Variants in NWD1 observed in about 807,000 individuals in gnomAD.
NWD1 encodes NACHT domain- and WD repeat-containing protein 1.
NWD1 carries 129 observed loss-of-function variants against 135.1 expected under a neutral mutation model. The observed-to-expected ratio is 0.96, with a 90% confidence interval of 0.83 to 1.11. The LOEUF (loss-of-function observed/expected upper bound fraction) is 1.11, where lower values mean the gene tolerates loss of function less well. NWD1 is among the 50% of genes least tolerant of loss of function. The pLI, the probability that NWD1 is intolerant of heterozygous loss-of-function variation, is 0.00. For missense variants in NWD1, 1,740 were observed against 1,851.3 expected (o/e 0.94, Z 1.10); for synonymous variants, 773 against 786.0 (o/e 0.98, Z 0.28).
chr19:16,798,971 T>A (rs1970509943), intron 16 of NWD1, among the ~76,000 whole-genome samples: 1 of 150,986 alleles, frequency 6.6e-6, no homozygotes, highest in South Asian at 2.1e-4. Context: ...GTTTTGAGCT[T>A]CCAGACCCTC....
rs759747477 is a variant in NWD1, at chr19:16,749,790, G to A, written c.1148G>A (p.Arg383His). The A allele has an allele frequency of 1.2e-6, 2 of 1,605,896 alleles. No individual in the cohort carries two copies. Among genetic ancestry groups the A allele is most frequent in the Non-Finnish European group, 1.7e-6 (2 of 1,175,550 alleles). Residue 383 changes from arginine (R) to histidine (H), a missense_variant, in exon 6 of 19, where the codon CGT becomes CAT. Arg to His is a conservative substitution (Grantham distance 29). Coordinates refer to ENST00000524140, the MANE Select transcript of NWD1 (RefSeq NM_001007525.5). ...LGTSQMSSDA[R>H]GLLKSICFQV... is the part of the protein sequence containing the mutation. ...ACGTCACAAATGAGCTCAGATGCCCGTGGCCTGCTGAAGAGCATCTGCTTC... is the reference window on the plus strand; with the variant it reads ...ACGTCACAAATGAGCTCAGATGCCCATGGCCTGCTGAAGAGCATCTGCTTC...
intron 18 of NWD1, among the ~76,000 whole-genome samples, chr19:16,811,460 T>A (rs988857750): frequency 6.6e-6 from 1 of 151,674 alleles, no homozygotes; most frequent in African/African-American, 2.4e-5. Context: ...GGTGCATGCC[T>A]GTAATCCCAG....
intron 8 of NWD1, 66 bp from the exon 9 acceptor site, chr19:16,763,762 G>A: frequency 1.0e-6 from 1 of 981,860 alleles, no homozygotes; most frequent in Non-Finnish European, 1.6e-6. Context: ...GTGAATGAAT[G>A]GGCTTGTGCG....
chr19:16,725,437 C>T (rs985230949), intron 2 of NWD1, among the ~76,000 whole-genome samples: 1 of 151,996 alleles, frequency 6.6e-6, no homozygotes, highest in Non-Finnish European at 1.5e-5. Flanking sequence ...ATGATCACAC[C>T]ACTGCACTCC....
chr19:16,728,061 A>G (rs1967400003), intron 2 of NWD1, among the ~76,000 whole-genome samples: 1 of 152,044 alleles, frequency 6.6e-6, no homozygotes, highest in Non-Finnish European at 1.5e-5. Flanking sequence ...ACTCTGTCTC[A>G]AGAAACAAAA....
rs374529462 is a variant in NWD1, at chr19:16,757,874, A to C, written c.1770-1351A>C. 2.3e-4 allele frequency among the ~76,000 whole-genome samples: 35 copies of C among 152,206 alleles called. No homozygotes were observed. The East Asian group carries it at 3.7e-3, about 16-fold the overall frequency. On this transcript the variant is annotated intron_variant, in intron 6 of 18. Transcript: ENST00000524140. ...GAACAGCAGCCTGGCCAACATAGTG[A>C]AACCCCATCTCTACTAAAAATACAA...
At chr19:16,762,525 G>A (rs1378412272) in intron 8 of NWD1, among the ~76,000 whole-genome samples, 1 of 151,746 alleles carries the variant, frequency 6.6e-6, no homozygotes, top group African/African-American at 2.4e-5. Context: ...TCGAACTCCT[G>A]CCTGGGCAAC....
rs776628961 is a variant in NWD1, at chr19:16,763,914, C to T, written c.2220C>T (p.Gly740=). Residue 740 remains glycine (G), a synonymous_variant, in exon 9 of 19, where the codon GGC becomes GGT. Coordinates refer to ENST00000524140, the MANE Select transcript of NWD1 (RefSeq NM_001007525.5). ...TGCCCTATCACCTGCTTCACTCGGG[C>T]CGCCTGGAGGAGCTGAAACAGGAGG... The part of the protein sequence containing the change: ...KELPYHLLHS[G]RLEELKQEVL... 3 of 1,613,344 alleles carry T rather than the reference C, an allele frequency of 1.9e-6. No individual in the cohort carries two copies. Among genetic ancestry groups the T allele is most frequent in the Non-Finnish European group, 2.5e-6 (3 of 1,179,334 alleles).
At position 16,761,565 on chromosome 19, in the gene NWD1, G is replaced by A. The variant is rs561731904; in HGVS notation, c.1974-414G>A. ...TTTAGTACAGACAGGGTTTCACCAC[G>A]TTGGCCAGGCTGGTCTTGAACTCCT... is the stretch of plus-strand genomic sequence containing the variant. On this transcript the variant is annotated intron_variant, in intron 7 of 18. Transcript: ENST00000524140. 3.8e-4 allele frequency among the ~76,000 whole-genome samples: 57 copies of A among 151,832 alleles called. 1 individual carries two copies. Among genetic ancestry groups the A allele is most frequent in the Admixed American group, 3.4e-3 (52 of 15,254 alleles).
At position 16,744,406 on chromosome 19, in the gene NWD1, C is replaced by T. The variant is rs905728400; in HGVS notation, c.199-15C>T. The T allele has an allele frequency of 1.3e-5, 20 of 1,534,928 alleles. No homozygotes were observed. In the Admixed American group the frequency reaches 3.7e-4, roughly 29 times the overall value. ...AAAAAAGTGAGATTTGAATCTGTGA[C>T]TTCCTCTCTGCCAGGCCCTCATCGG... On this transcript the variant is annotated splice_polypyrimidine_tract_variant and intron_variant, in intron 4 of 18. Coordinates refer to ENST00000524140, the MANE Select transcript of NWD1 (RefSeq NM_001007525.5).
At chr19:16,779,884 C>T (rs548672126) in intron 12 of NWD1, among the ~76,000 whole-genome samples, 1 of 152,266 alleles carries the variant, frequency 6.6e-6, no homozygotes, top group South Asian at 2.1e-4. Flanking sequence ...GATCCTCCCT[C>T]CTTAGCCTAC....
At chr19:16,814,861 C>T (rs1971020848) in intron 18 of NWD1, among the ~76,000 whole-genome samples, 167 bp from the exon 19 acceptor site, 1 of 152,182 alleles carries the variant, frequency 6.6e-6, no homozygotes, top group African/African-American at 2.4e-5. Context: ...TTATCATTCC[C>T]ATTGTGCAGA....
intron 11 of NWD1, 147 bp downstream of exon 11, chr19:16,773,470 T>C: frequency 1.6e-6 from 1 of 637,470 alleles, no homozygotes; most frequent in Non-Finnish European, 2.7e-6. Flanking sequence ...CCCTGCTGTC[T>C]CATGCTGAAT....
rs773357780 is a variant in NWD1 at position 16,759,285 on chromosome 19, G to T, written c.1830G>T (p.Gln610His). 8.1e-6 allele frequency: 13 copies of T among 1,614,178 alleles called. No individual in the cohort carries two copies. In the Admixed American group the frequency reaches 2.0e-4, roughly 25 times the overall value. ...TGTCCCTGGACGACGAGGTCCTGCA[G>T]GATGTGTACCGAGATTGGACCCCGC... ...DVLSLDDEVL[Q>H]DVYRDWTPPS... Residue 610 changes from glutamine to histidine, a missense_variant, in exon 7 of 19, where the codon CAG becomes CAT. Gln to His is a conservative substitution (Grantham distance 24). Transcript: ENST00000524140.
chr19:16,769,475 C>T (rs1366819353), intron 10 of NWD1, among the ~76,000 whole-genome samples: 1 of 148,668 alleles, frequency 6.7e-6, no homozygotes, highest in East Asian at 2.0e-4. Context: ...AAAAAAAGAG[C>T]CCAAATCTCA....
chr19:16,815,198 T>C lies in NWD1; in HGVS notation c.*159T>C, dbSNP rs2144545192. Reference sequence around the variant, plus strand: ...TCTTAAGAACTTCAAGAAGGCAATGTGGATGGTCAAATCCAGGCAGAGAGA... The same window carrying C: ...TCTTAAGAACTTCAAGAAGGCAATGCGGATGGTCAAATCCAGGCAGAGAGA... On this transcript the variant is annotated 3_prime_UTR_variant, in exon 19 of 19. Coordinates refer to ENST00000524140, the MANE Select transcript of NWD1 (RefSeq NM_001007525.5). 1 of 825,732 alleles carries C rather than the reference T, an allele frequency of 1.2e-6. No individual in the cohort carries two copies. The highest frequency in any genetic ancestry group is 2.4e-5 in the East Asian group (1 of 41,404). 51.2% of individuals were successfully genotyped at this position (825,732 alleles called of 1,614,324 possible).
intron 5 of NWD1, among the ~76,000 whole-genome samples, chr19:16,747,186 G>A (rs137985867): frequency 0.02 from 3,051 of 151,358 alleles, 95 homozygotes; most frequent in African/African-American, 0.066. Context: ...ACAGGCATGC[G>A]CCACCTCGCC....
At chr19:16,808,625 A>T (rs1227576586) in intron 18 of NWD1, among the ~76,000 whole-genome samples, 3 of 151,374 alleles carry the variant, frequency 2.0e-5, no homozygotes, top group Non-Finnish European at 4.4e-5. Context: ...TTTTTTTTTT[A>T]AAGAGACAGG....
chr19:16,741,665 G>C (rs1968090029), intron 4 of NWD1, among the ~76,000 whole-genome samples: 1 of 151,922 alleles, frequency 6.6e-6, no homozygotes, highest in African/African-American at 2.4e-5. Context: ...TACCATGCCT[G>C]GCTCTTTTCA....
Sources: gnomAD v4.1 joint callset for allele counts (sites outside exome capture counted in the v4.1 genomes callset) on GRCh38, gnomAD v4.1.1 for gene constraint, MANE v1.5 for transcripts, NCBI Gene and HGNC (gene_info 2026-07-23, HGNC 2026-07-21) for gene names.